KCNH4: variants seen among roughly 807,000 people sequenced by gnomAD.
KCNH4 encodes the protein voltage-gated delayed rectifier potassium channel KCNH4.
A neutral mutation model predicts 90.7 loss-of-function variants in KCNH4; 33 were observed. That is an observed-to-expected ratio of 0.36 (90% CI 0.28 to 0.49). KCNH4 has a LOEUF of 0.49. Among genes scored for constraint, KCNH4 ranks in the 20% least tolerant of loss-of-function variants. KCNH4 has a pLI of 0.98. For missense variants in KCNH4, 1,044 were observed against 1,387.1 expected, an observed-to-expected ratio of 0.75 and a Z score of 3.93; for synonymous variants, 551 against 581.7, an observed-to-expected ratio of 0.95 and a Z score of 0.76.
intron 4 of KCNH4, 29 bp from the exon 5 acceptor site, chr17:42,176,326 C>T (rs770110550): frequency 1.0e-5 from 16 of 1,545,574 alleles, no homozygotes; most frequent in East Asian, 2.4e-5. Flanking sequence ...CGGTTGGGGA[C>T]ACTTGAGGGA....
chr17:42,174,026 T>C (rs1201066937), intron 6 of KCNH4, among the ~76,000 whole-genome samples: 1 of 152,046 alleles, frequency 6.6e-6, no homozygotes, highest in Non-Finnish European at 1.5e-5. Context: ...GGAGCTATCT[T>C]GGCTCACTGC....
chr17:42,165,491 G>C lies in KCNH4; in HGVS notation c.2043C>G (p.Pro681=), dbSNP rs1470561361. 1 of 1,614,134 alleles carries C rather than the reference G, an allele frequency of 6.2e-7. No individual in the cohort carries two copies. The highest frequency in any genetic ancestry group is 1.3e-5 in the African/African-American group (1 of 75,040). ...GGCGCAGGTTGAAGGTGAGGTCCCG[G>C]GGCAGGCCAGCCCGGAAGGCAGCCC... ...EYGAAFRAGL[P]RDLTFNLRQG... is the part of the protein sequence containing the mutation. The change falls in exon 11 of 17, where the codon CCC becomes CCG. Residue 681 remains proline (P), a synonymous_variant. Coordinates refer to ENST00000264661, the MANE Select transcript of KCNH4 (RefSeq NM_012285.3).
chr17:42,175,486 G>A (rs2079854517), intron 6 of KCNH4, 93 bp downstream of exon 6: 12 of 1,352,512 alleles, frequency 8.9e-6, no homozygotes, highest in Non-Finnish European at 1.2e-5. Flanking sequence ...TTGATGGGAA[G>A]GGGCATATCT....
rs1483910480 is a variant in KCNH4, at chr17:42,163,875, A to T, written c.2208T>A (p.Gly736=). 4 of 1,524,446 alleles carry T rather than the reference A, an allele frequency of 2.6e-6. No homozygotes were observed. The African/African-American group carries it at 4.2e-5, about 16-fold the overall frequency. 94.4% of individuals were successfully genotyped at this position (1,524,446 alleles called of 1,614,324 possible). A position where few individuals can be genotyped will look rare whatever the true frequency, so the allele number is the denominator to read the frequency against. Residue 736 remains glycine (G), a synonymous_variant, in exon 13 of 17, where the codon GGT becomes GGA. Coordinates refer to ENST00000264661, the MANE Select transcript of KCNH4 (RefSeq NM_012285.3). This position sits in a 1 kb window ranked among gnomAD's most constrained non-coding sequence, Gnocchi z 5.4. ...TEAESGAEPG[G]GPRPRRPLLL... The stretch of plus-strand genomic sequence containing the variant: ...GGAGGGGCCGTCGGGGCCTGGGACC[A>T]CCCCCAGGCTCCGCGCCACTCTCGG...
chr17:42,160,490 C>A, intron 15 of KCNH4, 55 bp from the exon 16 acceptor site: 1 of 1,501,326 alleles, frequency 6.7e-7, no homozygotes, highest in East Asian at 2.3e-5. Flanking sequence ...ACAAGGTGCA[C>A]CCCCCTCTCC....
chr17:42,172,026 C>T, intron 6 of KCNH4, 31 bp from the exon 7 acceptor site: 1 of 1,545,660 alleles, frequency 6.5e-7, no homozygotes, highest in Non-Finnish European at 8.8e-7. Flanking sequence ...AGGCTGTCAG[C>T]AGGCACACCT....
intron 16 of KCNH4, 88 bp from the exon 17 acceptor site, chr17:42,157,206 C>T (rs1012623084): frequency 1.3e-5 from 2 of 152,242 alleles, no homozygotes; most frequent in African/African-American, 4.8e-5. Context: ...ACCTGTTGGG[C>T]ACAGGGACCT....
At position 42,178,882 on chromosome 17, in the gene KCNH4, T is replaced by G. The variant is rs1216618278; in HGVS notation, c.221A>C (p.Glu74Ala). ...TCSCRFLYGP[E>A]TSEPALQRLH... ...ACGCTGCAGGGCTGGCTCACTGGTC[T>G]CTGGGCCGTAGAGGAAACGGCAGCT... Residue 74 changes from glutamate (E) to alanine (A), a missense_variant, in exon 2 of 17, where the codon GAG becomes GCG. Physicochemically the swap from Glu to Ala is moderately radical, Grantham distance 107. Transcript: ENST00000264661. 9 of 1,614,236 alleles carry G rather than the reference T, an allele frequency of 5.6e-6. No homozygotes were observed. The highest frequency in any genetic ancestry group is 7.6e-6 in the Non-Finnish European group (9 of 1,180,050).
At position 42,163,957 on chromosome 17, in the gene KCNH4, G is replaced by T; in HGVS notation, c.2126C>A (p.Pro709His). 1 of 1,535,670 alleles carries T rather than the reference G, an allele frequency of 6.5e-7. No homozygotes were observed. The highest frequency in any genetic ancestry group is 8.8e-7 in the Non-Finnish European group (1 of 1,141,476). Residue 709 changes from proline to histidine, a missense_variant and splice_region_variant, in exon 13 of 17, where the codon CCC becomes CAC. Physicochemically the swap from Pro to His is moderately conservative, Grantham distance 77 (BLOSUM62 -2). This residue lies in a region of KCNH4 where 441 missense variants were observed against 512.3 expected (regional missense o/e 0.86). Coordinates refer to ENST00000264661, the MANE Select transcript of KCNH4 (RefSeq NM_012285.3). The surrounding 1 kb of genome is among the most constrained non-coding windows in gnomAD (Gnocchi z 5.4). The part of the protein sequence containing the change: ...RFSRSPRLSQ[P>H]RSESLGSSSD... The stretch of plus-strand genomic sequence containing the variant: ...GGAGGAGCCGAGGCTTTCTGAGCGG[G>T]GCTGCGGGCAGAGGGGGCAGCTGAT...
chr17:42,180,138 G>T lies in KCNH4; in HGVS notation c.76+732C>A, dbSNP rs3785901. Among the ~76,000 whole-genome samples the T allele has an allele frequency of 0.015, 2,322 of 152,300 alleles. 75 individuals carry two copies. The highest frequency in any genetic ancestry group is 0.14 in the East Asian group (712 of 5,180). ...GGTAGGGCCCGGCGGCTCAGTTTCC[G>T]CCCTCGGGTACCGCTCCCCCACCAT... is the stretch of plus-strand genomic sequence containing the variant. On this transcript the variant is annotated intron_variant, in intron 1 of 16. Transcript: ENST00000264661. This position sits in a 1 kb window ranked among gnomAD's most constrained non-coding sequence, Gnocchi z 4.7.
At chr17:42,176,328 C>T (rs200147776) in intron 4 of KCNH4, 31 bp from the exon 5 acceptor site, 18 of 1,452,148 alleles carry the variant, frequency 1.2e-5, no homozygotes, top group Admixed American at 5.7e-5. Context: ...GTTGGGGACA[C>T]TTGAGGGAAA....
At chr17:42,169,285 G>A (rs1011789777) in intron 9 of KCNH4, among the ~76,000 whole-genome samples, 192 bp downstream of exon 9, 1 of 151,484 alleles carries the variant, frequency 6.6e-6, no homozygotes, top group Non-Finnish European at 1.5e-5. Context: ...TCACCATGTC[G>A]CCCAGGCTGG....
rs762597562 is a variant in KCNH4, at chr17:42,169,616, C to T, written c.1451G>A (p.Arg484His). ...CATGCGGCTGTGGTAGAGCGAGCGGCGCGAGTACATGCGCTGGATGATGGC... is the reference window on the plus strand; with the variant it reads ...CATGCGGCTGTGGTAGAGCGAGCGGTGCGAGTACATGCGCTGGATGATGGC... ...VTAIIQRMYS[R>H]RSLYHSRMKD... The change falls in exon 9 of 17, where the codon CGC becomes CAC. Residue 484 changes from arginine (R) to histidine (H), a missense_variant. Physicochemically the swap from Arg to His is conservative, Grantham distance 29. Around this residue, in one of 4 missense-constraint regions of KCNH4, gnomAD observed 318 missense variants for 479.6 expected, o/e 0.66. Transcript: ENST00000264661. 3.7e-6 allele frequency: 6 copies of T among 1,613,988 alleles called. No individual in the cohort carries two copies. The highest frequency in any genetic ancestry group is 5.1e-6 in the Non-Finnish European group (6 of 1,179,998).
rs759657398 is a variant in KCNH4, at chr17:42,166,337, C to A, written c.1800G>T (p.Ser600=). Residue 600 remains serine (S), a synonymous_variant, in exon 10 of 17, where the codon TCG becomes TCT. Coordinates refer to ENST00000264661, the MANE Select transcript of KCNH4 (RefSeq NM_012285.3). The part of the protein sequence containing the change: ...LQAHYYVCSG[S]LEVLRDNMVL... ...CCATGTTGTCTCGGAGCACCTCAAG[C>A]GAGCCGGAGCAGACATAGTAATGTG... is the stretch of plus-strand genomic sequence containing the variant. 35 of 1,611,378 alleles carry A rather than the reference C, an allele frequency of 2.2e-5. No homozygotes were observed. The highest frequency in any genetic ancestry group is 1.7e-4 in the Admixed American group (10 of 59,662).
chr17:42,171,001 G>A (rs1195239203), intron 7 of KCNH4, among the ~76,000 whole-genome samples: 1 of 152,206 alleles, frequency 6.6e-6, no homozygotes, highest in Non-Finnish European at 1.5e-5. Flanking sequence ...GGGAAGGCAG[G>A]TGGGGAGAGA....
chr17:42,166,174 CA>C (rs1247614669), intron 10 of KCNH4, 122 bp downstream of exon 10: 1 of 1,240,418 alleles, frequency 8.1e-7, no homozygotes, highest in African/African-American at 1.5e-5. Flanking sequence ...TACTCCTCAG[CA>C]GGAACTGTAG....
chr17:42,178,778 G>C lies in KCNH4; in HGVS notation c.310+15C>G. 2 of 1,603,220 alleles carry C rather than the reference G, an allele frequency of 1.2e-6. No homozygotes were observed. Among genetic ancestry groups the C allele is most frequent in the Non-Finnish European group, 1.7e-6 (2 of 1,172,512 alleles). On this transcript the variant is annotated intron_variant, in intron 2 of 16. Coordinates refer to ENST00000264661, the MANE Select transcript of KCNH4 (RefSeq NM_012285.3). Reference sequence around the variant, plus strand: ...GGGTCTAGGCAGAGCTGCAGGGTGGGGTGAGCCCCCTCACCATCCTTGCGG... The same window carrying C: ...GGGTCTAGGCAGAGCTGCAGGGTGGCGTGAGCCCCCTCACCATCCTTGCGG...
At chr17:42,162,653 T>C (rs2079757268) in intron 14 of KCNH4, among the ~76,000 whole-genome samples, 1 of 151,798 alleles carries the variant, frequency 6.6e-6, no homozygotes, top group Non-Finnish European at 1.5e-5. Flanking sequence ...AGTGCAGTGG[T>C]GTGCTCTCAG....
At chr17:42,164,192 A>T (rs369207873) in intron 11 of KCNH4, 24 bp from the exon 12 acceptor site, 213 of 1,531,192 alleles carry the variant, frequency 1.4e-4, no homozygotes, top group Non-Finnish European at 1.8e-4. Flanking sequence ...GGAGAGTTCA[A>T]GCTGATTCCT....
Sources: allele counts gnomAD v4.1 joint callset (sites outside exome capture counted in the v4.1 genomes callset), GRCh38; gene constraint gnomAD v4.1.1; regional missense constraint gnomAD v4.1.1; non-coding constraint Gnocchi (gnomAD v3.1); transcripts MANE v1.5; gene names NCBI Gene and HGNC (gene_info 2026-07-23, HGNC 2026-07-21).